Variants in NIM1K observed in about 807,000 individuals in gnomAD.
NIM1K encodes the protein NIM1 serine/threonine protein kinase.
In NIM1K, 35 loss-of-function variants were observed where a neutral mutation model predicts 37.1. The observed-to-expected ratio is 0.94, with a 90% CI of 0.72 to 1.25. The LOEUF (loss-of-function observed/expected upper bound fraction) is 1.25. NIM1K is among the 50% of genes most tolerant of loss of function. The probability of loss-of-function intolerance (pLI) is 0.00; values close to 1 mark genes in which losing one functional copy is unlikely to be tolerated. For missense variants in NIM1K, 564 were observed against 548.0 expected (o/e 1.03, Z -0.29); for synonymous variants, 234 against 206.6 (o/e 1.13, Z -1.14).
chr5:43,275,597 G>A (rs150969399), intron 2 of NIM1K, among the ~76,000 whole-genome samples: 3 of 152,188 alleles, frequency 2.0e-5, no homozygotes, highest in Non-Finnish European at 4.4e-5. Context: ...CTGGTGTGTC[G>A]TGTACATGAC....
At chr5:43,244,163 A>G (rs752622646) in intron 1 of NIM1K, among the ~76,000 whole-genome samples, 19 of 152,270 alleles carry the variant, frequency 1.2e-4, no homozygotes, top group Non-Finnish European at 2.4e-4. Flanking sequence ...ATTATTGAGC[A>G]GAGTTGGAAA....
chr5:43,273,393 C>G (rs1240138231), intron 2 of NIM1K, among the ~76,000 whole-genome samples: 1 of 151,842 alleles, frequency 6.6e-6, no homozygotes. Context: ...ATAGTAGAGA[C>G]GGGGTTTCAC....
chr5:43,255,239 T>C (rs2112275409), intron 2 of NIM1K, among the ~76,000 whole-genome samples: 1 of 152,302 alleles, frequency 6.6e-6, no homozygotes, highest in East Asian at 1.9e-4. Context: ...ACTATTATGA[T>C]AATACTTACT....
At chr5:43,209,021 G>C (rs1752166909) in intron 1 of NIM1K, among the ~76,000 whole-genome samples, 1 of 152,196 alleles carries the variant, frequency 6.6e-6, no homozygotes, top group Non-Finnish European at 1.5e-5. Context: ...AGAAGGTCTT[G>C]AAAATAGAAC....
At chr5:43,207,300 T>A (rs753103032) in intron 1 of NIM1K, 8 of 762,054 alleles carry the variant, frequency 1.0e-5, no homozygotes, top group Non-Finnish European at 2.0e-5. Context: ...GGGGGCATAT[T>A]GTGTGAAATA....
intron 2 of NIM1K, among the ~76,000 whole-genome samples, chr5:43,274,078 T>C (rs1579614399): frequency 6.6e-6 from 1 of 152,206 alleles, no homozygotes; most frequent in African/African-American, 2.4e-5. Flanking sequence ...ATTTATATTA[T>C]GAGGCCTGCC....
intron 1 of NIM1K, among the ~76,000 whole-genome samples, chr5:43,237,334 T>C (rs757755450): frequency 3.9e-5 from 6 of 152,234 alleles, no homozygotes; most frequent in Non-Finnish European, 7.3e-5. Context: ...AATGCATTGC[T>C]ATATAGCAAC....
rs763182909 is a variant in NIM1K at position 43,280,557 on chromosome 5, G to A, written c.1139G>A (p.Arg380His). The change falls in exon 4 of 4, where the codon CGC becomes CAC. Residue 380 changes from arginine to histidine, a missense_variant. Transcript: ENST00000326035. ...HIRNNQGRDA[R>H]SSITGVYRII... is the part of the protein sequence containing the mutation. ...CGAAATAACCAAGGGAGAGATGCTCGCAGCTCAATCACAGGGGTCTATAGA... is the reference window on the plus strand; with the variant it reads ...CGAAATAACCAAGGGAGAGATGCTCACAGCTCAATCACAGGGGTCTATAGA... The A allele has an allele frequency of 4.5e-5, 73 of 1,613,982 alleles. No individual in the cohort carries two copies. The highest frequency in any genetic ancestry group is 5.6e-5 in the Non-Finnish European group (66 of 1,179,998).
intron 2 of NIM1K, among the ~76,000 whole-genome samples, chr5:43,253,821 G>A (rs1278656157): frequency 2.6e-5 from 4 of 151,930 alleles, no homozygotes; most frequent in African/African-American, 2.4e-5. Flanking sequence ...CACCATGCTC[G>A]GCAATTTTTT....
chr5:43,257,545 G>A (rs944401484), intron 2 of NIM1K, among the ~76,000 whole-genome samples: 10 of 151,588 alleles, frequency 6.6e-5, no homozygotes, highest in African/African-American at 2.2e-4. Context: ...AGAGACGGGG[G>A]TTTCACCATG....
intron 2 of NIM1K, among the ~76,000 whole-genome samples, chr5:43,264,715 T>G (rs1354998110): frequency 3.9e-5 from 6 of 152,326 alleles, no homozygotes; most frequent in African/African-American, 1.4e-4. Flanking sequence ...CTCCCTAGCA[T>G]CGATGGTCTT....
In NIM1K at chr5:43,240,104, C is replaced by T. The variant is rs183914122; in HGVS notation, c.-694-4978C>T. Among the ~76,000 whole-genome samples, 14 of 152,024 alleles carry T rather than the reference C, an allele frequency of 9.2e-5. 1 individual carries two copies. In the East Asian group the frequency reaches 2.1e-3, roughly 23 times the overall value. The stretch of plus-strand genomic sequence containing the variant: ...TTCTTTCTTCTTTGAGACAGAGTCT[C>T]GCTCTGTTGCCTAGGCTGAAGTGCA... On this transcript the variant is annotated intron_variant, in intron 1 of 3. Coordinates refer to ENST00000326035, the MANE Select transcript of NIM1K (RefSeq NM_153361.4).
intron 2 of NIM1K, among the ~76,000 whole-genome samples, chr5:43,258,080 C>T (rs1040650120): frequency 2.6e-5 from 4 of 152,176 alleles, no homozygotes; most frequent in African/African-American, 9.7e-5. Context: ...GCGCTGCCCT[C>T]CACCTGCTCG....
At chr5:43,242,376 G>A (rs1371586919) in intron 1 of NIM1K, among the ~76,000 whole-genome samples, 1 of 151,838 alleles carries the variant, frequency 6.6e-6, no homozygotes, top group African/African-American at 2.4e-5. Context: ...AGCTGGGCAG[G>A]AGATGGAGGG....
chr5:43,256,477 G>A (rs1579982778), intron 2 of NIM1K, among the ~76,000 whole-genome samples: 1 of 152,192 alleles, frequency 6.6e-6, no homozygotes, highest in Non-Finnish European at 1.5e-5. Context: ...AAGCAGGTTT[G>A]GGTCAGGAGA....
At chr5:43,211,296 T>C (rs1179413035) in intron 1 of NIM1K, among the ~76,000 whole-genome samples, 1 of 152,192 alleles carries the variant, frequency 6.6e-6, no homozygotes, top group East Asian at 1.9e-4. Context: ...GAACAGAGAT[T>C]AACTTGTAAA....
At chr5:43,276,920 T>TC in intron 2 of NIM1K, 137 bp from the exon 3 acceptor site, 1 of 838,894 alleles carries the variant, frequency 1.2e-6, no homozygotes, top group Non-Finnish European at 1.9e-6. Context: ...CATTGCTTTG[T>TC]CATTCCCTGA....
intron 2 of NIM1K, among the ~76,000 whole-genome samples, chr5:43,253,794 G>A (rs970518511): frequency 1.3e-5 from 2 of 151,822 alleles, no homozygotes; most frequent in Non-Finnish European, 2.9e-5. Context: ...TGAGTAGCTG[G>A]GATTACAGGC....
chr5:43,280,145 C>A lies in NIM1K; in HGVS notation c.727C>A (p.Arg243=). Residue 243 remains arginine, a synonymous_variant, in exon 4 of 4, where the codon CGG becomes AGG. Coordinates refer to ENST00000326035, the MANE Select transcript of NIM1K (RefSeq NM_153361.4). ...SPPYAAPELF[R]DEHYIGIYVD... ...TCCCTACGCTGCGCCTGAACTCTTC[C>A]GGGACGAGCACTACATCGGCATTTA... is the stretch of plus-strand genomic sequence containing the variant. 13 of 1,614,112 alleles carry A rather than the reference C, an allele frequency of 8.1e-6. No individual in the cohort carries two copies. Among genetic ancestry groups the A allele is most frequent in the Non-Finnish European group, 1.0e-5 (12 of 1,180,018 alleles).
Sources: gnomAD v4.1 joint callset for allele counts (sites outside exome capture counted in the v4.1 genomes callset) on GRCh38, gnomAD v4.1.1 for gene constraint, MANE v1.5 for transcripts, NCBI Gene and HGNC (gene_info 2026-07-23, HGNC 2026-07-21) for gene names.